EMC3: variants seen among roughly 807,000 people sequenced by gnomAD.
EMC3 encodes the protein ER membrane protein complex subunit 3.
In EMC3, 13 loss-of-function variants were observed where a neutral mutation model predicts 36.6. That is an observed-to-expected ratio of 0.35 (90% CI 0.23 to 0.56). The LOEUF (loss-of-function observed/expected upper bound fraction) is 0.56, where lower values mean the gene tolerates loss of function less well. Ranked by LOEUF, EMC3 falls within the 20% of genes least tolerant of loss-of-function variation. The pLI is 0.84. For synonymous variants in EMC3, 120 were observed against 111.9 expected (o/e 1.07, Z -0.46); for missense variants, 220 against 324.5 (o/e 0.68, Z 2.47).
intron 1 of EMC3, among the ~76,000 whole-genome samples, chr3:10,007,911 TCTC>T (rs1344450312): frequency 6.6e-6 from 1 of 151,964 alleles, no homozygotes; most frequent in Non-Finnish European, 1.5e-5. Flanking sequence ...CAGATAAGAT[TCTC>T]CTTCCCCAAT....
At chr3:9,970,757 A>G in intron 5 of EMC3, 96 bp from the exon 6 acceptor site, 1 of 1,237,206 alleles carries the variant, frequency 8.1e-7, no homozygotes, top group Non-Finnish European at 1.2e-6. Flanking sequence ...CAGTGTTTGT[A>G]AAGAAGTCAC....
chr3:10,006,712 TGTA>T (rs1398504627), intron 1 of EMC3: 2 of 217,024 alleles, frequency 9.2e-6, no homozygotes, highest in African/African-American at 2.4e-5. Flanking sequence ...GGTTTTGACA[TGTA>T]GTGCACAGCA....
At chr3:9,998,941 A>G (rs1241979630) in intron 1 of EMC3, among the ~76,000 whole-genome samples, 2 of 152,068 alleles carry the variant, frequency 1.3e-5, no homozygotes, top group Non-Finnish European at 2.9e-5. Flanking sequence ...CAATTTTGGT[A>G]GACATAAGGT....
intron 1 of EMC3, chr3:10,006,893 G>A (rs772255294): frequency 1.3e-4 from 45 of 345,878 alleles, no homozygotes; most frequent in Non-Finnish European, 2.0e-4. Flanking sequence ...TGGGCGAGGC[G>A]CCCAGGTTGT....
intron 1 of EMC3, chr3:10,010,837 C>T (rs2086316168): frequency 6.6e-6 from 1 of 152,360 alleles, no homozygotes; most frequent in Non-Finnish European, 1.5e-5. Context: ...AGCCTCTCCC[C>T]TATGCCCTTG....
rs1414135218 is a variant in EMC3, at chr3:9,986,607, G to C, written c.55C>G (p.Pro19Ala). 6.2e-7 allele frequency: 1 copy of C among 1,614,094 alleles called. No homozygotes were observed. The highest frequency in any genetic ancestry group is 8.5e-7 in the Non-Finnish European group (1 of 1,180,052). Residue 19 changes from proline (P) to alanine (A), a missense_variant, in exon 1 of 8, where the codon CCC becomes GCC. Physicochemically the swap from Pro to Ala is conservative, Grantham distance 27. This residue lies in a region of EMC3 where 127 missense variants were observed against 174.6 expected (regional missense o/e 0.73). Transcript: ENST00000245046. ...ACGAAGAAAGTGATGATAACGATGG[G>C]TAGGACCACCCAGAGGCGGATGTTG... ...DSNIRLWVVL[P>A]IVIITFFVGM...
At chr3:9,990,325 C>CTTTTTTT (rs4020037), upstream of EMC3, among the ~76,000 whole-genome samples, 161 of 88,680 alleles carry the variant, frequency 1.8e-3, 8 homozygotes, top group African/African-American at 9.1e-3. Context: ...GGGCCTTTCT[C>CTTTTTTT]TTTTTTTTTT....
chr3:9,987,539 A>G (rs373667429), upstream of EMC3, among the ~76,000 whole-genome samples: 2 of 152,158 alleles, frequency 1.3e-5, no homozygotes, highest in East Asian at 1.9e-4. Context: ...CGGGAAGCCA[A>G]ATGGTATCGC....
At chr3:9,999,622 G>T (rs2086173355) in intron 1 of EMC3, among the ~76,000 whole-genome samples, 1 of 152,112 alleles carries the variant, frequency 6.6e-6, no homozygotes. Context: ...TAGTTTTAAA[G>T]TGTGTATTCT....
intron 1 of EMC3, chr3:10,008,575 T>C: frequency 2.7e-6 from 2 of 732,590 alleles, no homozygotes; most frequent in East Asian, 5.3e-5. Context: ...GGTCAGATAG[T>C]GGGGGGTGGG....
chr3:9,964,028 G>T lies in EMC3; in HGVS notation c.*41C>A, dbSNP rs988703190. 55 of 1,609,210 alleles carry T rather than the reference G, an allele frequency of 3.4e-5. No individual in the cohort carries two copies. Among genetic ancestry groups the T allele is most frequent in the Non-Finnish European group, 4.4e-5 (52 of 1,177,738 alleles). The stretch of plus-strand genomic sequence containing the variant: ...TCCAAACAAAGTTACAAGGTTAAGT[G>T]CAACTCCAAGTTCCTGACACAGCTA... On this transcript the variant is annotated 3_prime_UTR_variant, in exon 8 of 8. Coordinates refer to ENST00000245046, the MANE Select transcript of EMC3 (RefSeq NM_001394674.1).
intron 1 of EMC3, among the ~76,000 whole-genome samples, 156 bp from the exon 2 acceptor site, chr3:9,977,602 A>G (rs544519083): frequency 6.6e-6 from 1 of 152,322 alleles, no homozygotes; most frequent in South Asian, 2.1e-4. Flanking sequence ...TTTAAAACCA[A>G]CGTAAACTTA....
intron 1 of EMC3, chr3:10,004,307 C>T (rs2086239866): frequency 6.6e-6 from 1 of 152,226 alleles, no homozygotes; most frequent in South Asian, 2.1e-4. Context: ...CCTCTGACAA[C>T]ATGAAGAACA....
At chr3:9,995,370 G>A (rs114435964) in intron 1 of EMC3, among the ~76,000 whole-genome samples, 64 of 151,012 alleles carry the variant, frequency 4.2e-4, no homozygotes, top group Non-Finnish European at 7.0e-4. Context: ...GGAAAACTAC[G>A]CCCAGGAGCA....
chr3:10,006,992 C>T lies in EMC3; in HGVS notation c.-242+4031G>A, dbSNP rs1051265712. ...ATAAAAATGGTTACTGATAAGTGACCGGTTCTTGCAAATCTTGTAGTAACA... is the reference window on the plus strand; with the variant it reads ...ATAAAAATGGTTACTGATAAGTGACTGGTTCTTGCAAATCTTGTAGTAACA... On this transcript the variant is annotated intron_variant, in intron 1 of 8. Transcript: ENST00000470827. 20 of 281,080 alleles carry T rather than the reference C, an allele frequency of 7.1e-5. No homozygotes were observed. The East Asian group carries it at 1.2e-3, about 16-fold the overall frequency. 17.4% of individuals were successfully genotyped at this position (281,080 alleles called of 1,614,324 possible).
Position 9,969,731 on chromosome 3 carries a change from G to A in EMC3, c.645C>T (p.Asn215=), listed in dbSNP as rs1398058443. The A allele has an allele frequency of 1.2e-6, 2 of 1,614,112 alleles. No individual in the cohort carries two copies. The highest frequency in any genetic ancestry group is 2.7e-5 in the African/African-American group (2 of 75,046). Residue 215 remains asparagine (N), a synonymous_variant, in exon 7 of 8, where the codon AAC becomes AAT. Coordinates refer to ENST00000245046, the MANE Select transcript of EMC3 (RefSeq NM_001394674.1). The part of the protein sequence containing the change: ...GAAMAMPADT[N]KAFKTEWEAL... ...TGAAGGAGTATACCTTGAAAGCTTT[G>A]TTTGTGTCTGCGGGCATGGCCATGG...
intron 7 of EMC3, chr3:9,969,487 G>A: frequency 1.4e-6 from 2 of 1,413,896 alleles, no homozygotes; most frequent in East Asian, 5.5e-5. Context: ...CATTGATAGT[G>A]TGGATTAAAT....
At chr3:9,983,185 T>TG (rs1489474799) in intron 1 of EMC3, among the ~76,000 whole-genome samples, 1 of 151,646 alleles carries the variant, frequency 6.6e-6, no homozygotes, top group Admixed American at 6.6e-5. Flanking sequence ...CCTCCTTCTG[T>TG]GGCCCAGGCT....
intron 1 of EMC3, among the ~76,000 whole-genome samples, chr3:9,998,359 C>T (rs1189592214): frequency 1.9e-5 from 2 of 106,880 alleles, no homozygotes; most frequent in African/African-American, 6.0e-5. Flanking sequence ...GAGCGAGACT[C>T]TGTCTCAAAT....
Sources: allele counts gnomAD v4.1 joint callset (sites outside exome capture counted in the v4.1 genomes callset), GRCh38; gene constraint gnomAD v4.1.1; regional missense constraint gnomAD v4.1.1; transcripts MANE v1.5; gene names NCBI Gene and HGNC (gene_info 2026-07-23, HGNC 2026-07-21).